Variants in CFAP46 observed in about 807,000 individuals in gnomAD.
The protein encoded by CFAP46 is cilia and flagella associated protein 46.
A neutral mutation model predicts 325.7 loss-of-function variants in CFAP46; 245 were observed. That is an observed-to-expected ratio of 0.75 (90% CI 0.68 to 0.84). CFAP46 has a LOEUF of 0.84. Ranked by LOEUF, CFAP46 falls within the 40% of genes least tolerant of loss-of-function variation. CFAP46 has a pLI of 0.00. For missense variants in CFAP46, 3,346 were observed against 3,543.0 expected (o/e 0.94, Z 1.41); for synonymous variants, 1,523 against 1,495.9 (o/e 1.02, Z -0.42).
At chr10:132,819,193 C>G (rs1185171909) in intron 50 of CFAP46, among the ~76,000 whole-genome samples, 1 of 152,160 alleles carries the variant, frequency 6.6e-6, no homozygotes, top group Non-Finnish European at 1.5e-5. Context: ...ATAAATTCAA[C>G]TATCAAGTGA....
At chr10:132,892,527 T>C in intron 24 of CFAP46, 110 bp from the exon 25 acceptor site, 4 of 950,486 alleles carry the variant, frequency 4.2e-6, no homozygotes, top group Non-Finnish European at 6.4e-6. Context: ...CTTAAACTGC[T>C]TGCTATTGCC....
chr10:132,940,919 A>G (rs1280070038), intron 4 of CFAP46, 77 bp downstream of exon 4: 2 of 1,412,710 alleles, frequency 1.4e-6, no homozygotes, highest in Admixed American at 1.7e-5. Context: ...GTTCAAATAA[A>G]TACACCCACT....
chr10:132,879,402 A>C, intron 29 of CFAP46, 24 bp downstream of exon 29: 1 of 1,473,102 alleles, frequency 6.8e-7, no homozygotes, highest in Non-Finnish European at 9.0e-7. Context: ...CTGCAGGAGC[A>C]GGGGAGTCTG....
At chr10:132,909,105 C>T in intron 21 of CFAP46, 32 bp downstream of exon 21, 1 of 1,507,542 alleles carries the variant, frequency 6.6e-7, no homozygotes, top group Non-Finnish European at 9.0e-7. Flanking sequence ...CCTCTTGGCC[C>T]CTGGCCTCCC....
intron 50 of CFAP46, among the ~76,000 whole-genome samples, chr10:132,823,795 CTGTG>C (rs1171794025): frequency 7.7e-6 from 1 of 130,080 alleles, no homozygotes; most frequent in Non-Finnish European, 1.6e-5. Flanking sequence ...CTGATGTGTG[CTGTG>C]TGTGTGCTGT....
chr10:132,937,579 C>T lies in CFAP46; in HGVS notation c.633G>A (p.Gln211=). 6.2e-7 allele frequency: 1 copy of T among 1,613,652 alleles called. No individual in the cohort carries two copies. Among genetic ancestry groups the T allele is most frequent in the Non-Finnish European group, 8.5e-7 (1 of 1,179,976 alleles). ...AAPFIKSHVP[Q]KYRQIFSVMV... is the part of the protein sequence containing the mutation. Reference sequence around the variant, plus strand: ...TAACAGAGAATATCTGCCGGTATTTCTGTGGCACGTGAGACTTAATGAACG... The same window carrying T: ...TAACAGAGAATATCTGCCGGTATTTTTGTGGCACGTGAGACTTAATGAACG... The change falls in exon 6 of 58, where the codon CAG becomes CAA. Residue 211 remains glutamine, a synonymous_variant. Coordinates refer to ENST00000368586, the MANE Select transcript of CFAP46 (RefSeq NM_001200049.3).
chr10:132,925,102 G>C (rs1849790158), intron 10 of CFAP46, among the ~76,000 whole-genome samples: 1 of 152,244 alleles, frequency 6.6e-6, no homozygotes, highest in Admixed American at 6.5e-5. Context: ...GCTTGGCGGT[G>C]CCCACACATC....
chr10:132,839,956 C>A (rs1397856613), intron 44 of CFAP46, among the ~76,000 whole-genome samples: 1 of 152,188 alleles, frequency 6.6e-6, no homozygotes, highest in Non-Finnish European at 1.5e-5. Flanking sequence ...AATGTCCCTG[C>A]TAAGTTTCTA....
In CFAP46 at chr10:132,876,891, G is replaced by A. The variant is rs148337953; in HGVS notation, c.4283C>T (p.Ser1428Phe). The A allele has an allele frequency of 7.7e-6, 12 of 1,550,570 alleles. No homozygotes were observed. The East Asian group carries it at 2.7e-4, about 35-fold the overall frequency. Reference protein sequence around the residue: ...PMSIEEWASYSCPEEVLSVLK... With the variant: ...PMSIEEWASYFCPEEVLSVLK... ...TACAGACAGCACTTCCTCGGGGCAG[G>A]AGTAGGAAGCCCACTCTTCTATGCT... Residue 1428 changes from serine to phenylalanine, a missense_variant, in exon 31 of 58, where the codon TCC becomes TTC. By Grantham distance (155) the Ser-to-Phe change is radical. Coordinates refer to ENST00000368586, the MANE Select transcript of CFAP46 (RefSeq NM_001200049.3). The surrounding 1 kb of genome is among the most constrained non-coding windows in gnomAD (Gnocchi z 4.1).
intron 16 of CFAP46, among the ~76,000 whole-genome samples, chr10:132,916,922 T>C (rs1282907981): frequency 1.3e-5 from 2 of 152,146 alleles, no homozygotes; most frequent in Non-Finnish European, 2.9e-5. Flanking sequence ...AGAAGGTCCT[T>C]CCAGAGCACC....
At chr10:132,905,041 GACC>G (rs1246338637) in intron 22 of CFAP46, among the ~76,000 whole-genome samples, 3 of 152,152 alleles carry the variant, frequency 2.0e-5, no homozygotes, top group Non-Finnish European at 4.4e-5. Flanking sequence ...TCCCGGTGAG[GACC>G]ACAACACCCA....
At chr10:132,927,216 T>C (rs1216459603) in intron 9 of CFAP46, among the ~76,000 whole-genome samples, 1 of 152,218 alleles carries the variant, frequency 6.6e-6, no homozygotes, top group Non-Finnish European at 1.5e-5. Context: ...GCAGGTCTTC[T>C]GGACACAGGA....
In CFAP46 at chr10:132,941,707, C is replaced by T. The variant is rs376888644; in HGVS notation, c.190G>A (p.Val64Met). ...EQALKMRQPE[V>M]SEDCIQMYFK... Reference sequence around the variant, plus strand: ...TACATTTGGATGCAGTCCTCGCTCACCTCTGGCTGCCTCATCTGCAAGAGA... The same window carrying T: ...TACATTTGGATGCAGTCCTCGCTCATCTCTGGCTGCCTCATCTGCAAGAGA... The change falls in exon 3 of 58, where the codon GTG (valine) becomes ATG (methionine). Residue 64 changes from valine to methionine, a missense_variant. Transcript: ENST00000368586. 2.5e-6 allele frequency: 4 copies of T among 1,613,994 alleles called. No homozygotes were observed. The East Asian group carries it at 6.7e-5, about 27-fold the overall frequency.
rs1400913682 is a variant in CFAP46, at chr10:132,886,506, A to T, written c.3305-547T>A. Among the ~76,000 whole-genome samples, 1 of 152,090 alleles carries T rather than the reference A, an allele frequency of 6.6e-6. No individual in the cohort carries two copies. The highest frequency in any genetic ancestry group is 2.1e-4 in the South Asian group (1 of 4,820). On this transcript the variant is annotated intron_variant, in intron 25 of 57. Coordinates refer to ENST00000368586, the MANE Select transcript of CFAP46 (RefSeq NM_001200049.3). The surrounding 1 kb of genome is among the most constrained non-coding windows in gnomAD (Gnocchi z 5.8). Reference sequence around the variant, plus strand: ...GCCTGCCTGCCGGGAGGTGAGCCCCACCCAGCCTCCATAGGGCGCCCTGTG... The same window carrying T: ...GCCTGCCTGCCGGGAGGTGAGCCCCTCCCAGCCTCCATAGGGCGCCCTGTG...
chr10:132,866,294 C>G, intron 34 of CFAP46, 123 bp from the exon 35 acceptor site: 1 of 1,071,426 alleles, frequency 9.3e-7, no homozygotes. Context: ...ACCAAGGGCT[C>G]CCTGCTGGCC....
chr10:132,834,159 A>G, intron 48 of CFAP46, 36 bp from the exon 49 acceptor site: 1 of 1,601,092 alleles, frequency 6.2e-7, no homozygotes, highest in Middle Eastern at 1.7e-4. Flanking sequence ...TTTAAGAAAC[A>G]GAGATAACAA....
chr10:132,893,099 G>A (rs992063402), intron 24 of CFAP46, among the ~76,000 whole-genome samples: 6 of 152,354 alleles, frequency 3.9e-5, no homozygotes, highest in African/African-American at 1.4e-4. Context: ...CGCACACTGA[G>A]AGGCAAAATG....
At position 132,858,176 on chromosome 10, in the gene CFAP46, G is replaced by A. The variant is rs530883672; in HGVS notation, c.5376-388C>T. 5.9e-5 allele frequency among the ~76,000 whole-genome samples: 9 copies of A among 152,240 alleles called. No individual in the cohort carries two copies. In the South Asian group the frequency reaches 1.0e-3, roughly 18 times the overall value. On this transcript the variant is annotated intron_variant, in intron 38 of 57. Transcript: ENST00000368586. ...GCTTCCCTCGCGCAGGCTTCTACAC[G>A]CCCGCACTGGGCCCGCCGTGTCGAG...
chr10:132,862,165 G>T (rs1272150623), intron 35 of CFAP46, among the ~76,000 whole-genome samples: 1 of 152,220 alleles, frequency 6.6e-6, no homozygotes, highest in African/African-American at 2.4e-5. Context: ...CTGTGGAAGG[G>T]CATTCCTGGC....
Sources: gnomAD v4.1 joint callset for allele counts (sites outside exome capture counted in the v4.1 genomes callset) on GRCh38, gnomAD v4.1.1 for gene constraint, Gnocchi (gnomAD v3.1) non-coding constraint, MANE v1.5 for transcripts, NCBI Gene and HGNC (gene_info 2026-07-23, HGNC 2026-07-21) for gene names.